The following SLC25A28 variants were observed in gnomAD, a reference collection of about 807,000 sequenced individuals.
The protein encoded by SLC25A28 is solute carrier family 25 member 28, also known as mitoferrin-2.
In SLC25A28, 10 loss-of-function variants were observed where a neutral mutation model predicts 31.9. That is an observed-to-expected ratio of 0.31 (90% confidence interval 0.19 to 0.53). The LOEUF is 0.53. SLC25A28 is among the 20% of genes least tolerant of loss of function. The probability of loss-of-function intolerance (pLI) is 0.95; values close to 1 mark genes in which losing one functional copy is unlikely to be tolerated. For missense variants in SLC25A28, 256 were observed against 490.3 expected, an observed-to-expected ratio of 0.52 and a Z score of 4.51; for synonymous variants, 208 against 203.6, an observed-to-expected ratio of 1.02 and a Z score of -0.19.
chr10:99,650,394 G>T, the SLC25A28 span, among the ~76,000 whole-genome samples: 4 of 152,126 alleles, frequency 2.6e-5, no homozygotes, highest in Non-Finnish European at 5.9e-5. Flanking sequence ...TGTCCAGGCT[G>T]GTTTTGAACT....
chr10:99,619,340 T>A, intron 1 of SLC25A28: 1 of 985,430 alleles, frequency 1.0e-6, no homozygotes, highest in African/African-American at 1.7e-5. Context: ...TTCATCTCTC[T>A]TGTTTGGAGG....
the SLC25A28 span, among the ~76,000 whole-genome samples, chr10:99,653,173 T>C: frequency 6.6e-6 from 1 of 152,184 alleles, no homozygotes; most frequent in Non-Finnish European, 1.5e-5. Context: ...CAACAAATAA[T>C]GTGTGGCAGA....
chr10:99,656,147 TA>T, the SLC25A28 span, among the ~76,000 whole-genome samples: 4 of 150,732 alleles, frequency 2.7e-5, no homozygotes, highest in Admixed American at 6.6e-5. Flanking sequence ...CAAGATGGGC[TA>T]AAAAAAAATA....
At chr10:99,643,350 C>T in the SLC25A28 span, among the ~76,000 whole-genome samples, 5 of 152,026 alleles carry the variant, frequency 3.3e-5, no homozygotes, top group Admixed American at 6.6e-5. Context: ...TAGTTTATTT[C>T]CTTAGAGGTG....
At chr10:99,650,199 A>G in the SLC25A28 span, among the ~76,000 whole-genome samples, 1 of 151,982 alleles carries the variant, frequency 6.6e-6, no homozygotes, top group African/African-American at 2.4e-5. Context: ...TCTTTTTCAG[A>G]CAGGGTTTCA....
At chr10:99,612,035 A>G (rs889035816) in intron 3 of SLC25A28, among the ~76,000 whole-genome samples, 8 of 152,208 alleles carry the variant, frequency 5.3e-5, no homozygotes, top group African/African-American at 1.9e-4. Context: ...CCTCACATGG[A>G]GAATGTTTTT....
At chr10:99,618,769 C>G in intron 1 of SLC25A28, 1 of 985,306 alleles carries the variant, frequency 1.0e-6, no homozygotes, top group Non-Finnish European at 1.2e-6. Context: ...GCTTAATGAG[C>G]GCTCCCCCCA....
the SLC25A28 span, among the ~76,000 whole-genome samples, chr10:99,655,072 A>G: frequency 1.3e-5 from 2 of 152,256 alleles, no homozygotes; most frequent in African/African-American, 4.8e-5. Flanking sequence ...GCTTGAGGGC[A>G]TACGGATTTA....
the SLC25A28 span, among the ~76,000 whole-genome samples, chr10:99,646,513 G>A: frequency 8.5e-4 from 130 of 152,326 alleles, no homozygotes; most frequent in African/African-American, 2.6e-3. Flanking sequence ...CTTCCCAGGT[G>A]AGGTGATGCT....
the SLC25A28 span, among the ~76,000 whole-genome samples, chr10:99,650,083 T>C: frequency 1.3e-5 from 2 of 152,234 alleles, no homozygotes; most frequent in African/African-American, 4.8e-5. Flanking sequence ...GCTATAAACT[T>C]CCCTCTTAGG....
At position 99,620,054 on chromosome 10, in the gene SLC25A28, G is replaced by A; in HGVS notation, c.282C>T (p.Asp94=). Residue 94 remains aspartate (D), a synonymous_variant, in exon 1 of 4, where the codon GAC becomes GAT. Coordinates refer to ENST00000370495, the MANE Select transcript of SLC25A28 (RefSeq NM_031212.4). ...CGGGTGCAGGTCTCACCTTGACGCA[G>A]TCGATGGGGTACATCACGCAGTGCT... ...ILEHCVMYPI[D]CVKTRMQSLQ... is the part of the protein sequence containing the mutation. 1.3e-6 allele frequency: 2 copies of A among 1,581,678 alleles called. No individual in the cohort carries two copies. Among genetic ancestry groups the A allele is most frequent in the Non-Finnish European group, 8.5e-7 (1 of 1,171,328 alleles).
the SLC25A28 span, among the ~76,000 whole-genome samples, chr10:99,637,710 A>G: frequency 6.6e-6 from 1 of 151,300 alleles, no homozygotes; most frequent in Admixed American, 6.6e-5. Context: ...AAAACAAACA[A>G]ACAAAAAAAC....
At chr10:99,638,015 C>A in the SLC25A28 span, among the ~76,000 whole-genome samples, 502 of 152,226 alleles carry the variant, frequency 3.3e-3, 3 homozygotes, top group African/African-American at 0.012. Context: ...AAGAACAAAT[C>A]TGGAGGCATC....
chr10:99,617,526 AAAG>A (rs762267558), intron 1 of SLC25A28: 48 of 985,320 alleles, frequency 4.9e-5, no homozygotes, highest in Non-Finnish European at 5.3e-5. Flanking sequence ...CCACTTATTA[AAAG>A]AAGAAGGATA....
At chr10:99,626,977 G>A in the SLC25A28 span, among the ~76,000 whole-genome samples, 1 of 151,898 alleles carries the variant, frequency 6.6e-6, no homozygotes, top group Non-Finnish European at 1.5e-5. Flanking sequence ...CAGATATGGT[G>A]GCTCACACCT....
the SLC25A28 span, among the ~76,000 whole-genome samples, chr10:99,644,832 A>G: frequency 6.6e-6 from 1 of 152,200 alleles, no homozygotes; most frequent in Non-Finnish European, 1.5e-5. Flanking sequence ...TTGGCTGGAT[A>G]TGAAATTCTG....
At chr10:99,622,614 A>C (rs528423536), upstream of SLC25A28, 894 of 983,396 alleles carry the variant, frequency 9.1e-4, 2 homozygotes, top group Non-Finnish European at 9.9e-4. Context: ...TAACAGAGAT[A>C]ACACTTGCCG....
chr10:99,640,241 T>A, the SLC25A28 span, among the ~76,000 whole-genome samples: 221 of 152,338 alleles, frequency 1.5e-3, 1 homozygote, highest in African/African-American at 5.2e-3. Context: ...ATGTGGCATT[T>A]GATATAATTG....
At chr10:99,657,494 G>T in the SLC25A28 span, among the ~76,000 whole-genome samples, 1 of 151,916 alleles carries the variant, frequency 6.6e-6, no homozygotes, top group African/African-American at 2.4e-5. Context: ...TGGGGATTGA[G>T]GGACAGAGAA....
Sources: gnomAD v4.1 joint callset for allele counts (sites outside exome capture counted in the v4.1 genomes callset) on GRCh38, gnomAD v4.1.1 for gene constraint, MANE v1.5 for transcripts, NCBI Gene and HGNC (gene_info 2026-07-23, HGNC 2026-07-21) for gene names.